SPON1: variants seen among roughly 807,000 people sequenced by gnomAD.
SPON1 encodes the protein spondin 1, also known as spondin-1.
A neutral mutation model predicts 111.7 loss-of-function variants in SPON1; 52 were observed. That is an observed-to-expected ratio of 0.47 (90% CI 0.37 to 0.59). SPON1 has a LOEUF of 0.59. Ranked by LOEUF, SPON1 falls within the 20% of genes least tolerant of loss-of-function variation. SPON1 has a pLI of 0.00. For synonymous variants in SPON1, 410 were observed against 395.8 expected (o/e 1.04, Z -0.43); for missense variants, 957 against 1,068.5 (o/e 0.90, Z 1.46).
chr11:13,999,072 G>A (rs986458169), intron 2 of SPON1, among the ~76,000 whole-genome samples: 6 of 152,046 alleles, frequency 3.9e-5, no homozygotes, highest in South Asian at 2.1e-4. Context: ...ACTTAAAGCC[G>A]TTGTGTTTGT....
chr11:14,088,794 A>C (rs1849027321), intron 5 of SPON1, among the ~76,000 whole-genome samples: 1 of 151,674 alleles, frequency 6.6e-6, no homozygotes, highest in Non-Finnish European at 1.5e-5. Flanking sequence ...TGGTCTTTTC[A>C]TATACTCCCA....
chr11:14,247,753 C>T (rs564061995), intron 7 of SPON1, among the ~76,000 whole-genome samples: 4 of 152,140 alleles, frequency 2.6e-5, no homozygotes, highest in Admixed American at 6.5e-5. Context: ...AGGCTGAAAA[C>T]GTTAGATGAA....
chr11:14,035,242 T>C (rs1393023843), intron 2 of SPON1, among the ~76,000 whole-genome samples: 1 of 152,058 alleles, frequency 6.6e-6, no homozygotes. Flanking sequence ...GACTGTAGCA[T>C]AGGGGAAAGA....
At chr11:14,206,614 C>T (rs1216219767) in intron 6 of SPON1, among the ~76,000 whole-genome samples, 3 of 152,100 alleles carry the variant, frequency 2.0e-5, no homozygotes, top group African/African-American at 7.2e-5. Flanking sequence ...AAGTGTTCCT[C>T]ATATTCCCAT....
At chr11:14,204,808 C>T (rs1371771074) in intron 6 of SPON1, among the ~76,000 whole-genome samples, 1 of 152,036 alleles carries the variant, frequency 6.6e-6, no homozygotes, top group African/African-American at 2.4e-5. Flanking sequence ...CCTCAGCCTC[C>T]TCAATAGCTG....
At chr11:14,129,016 A>G (rs1847496427) in intron 5 of SPON1, among the ~76,000 whole-genome samples, 1 of 152,272 alleles carries the variant, frequency 6.6e-6, no homozygotes, top group Non-Finnish European at 1.5e-5. Flanking sequence ...GGCCTGGCCC[A>G]GAAAACCATT....
chr11:14,017,520 A>G (rs1327896962), intron 2 of SPON1, among the ~76,000 whole-genome samples: 1 of 152,170 alleles, frequency 6.6e-6, no homozygotes, highest in Non-Finnish European at 1.5e-5. Context: ...TAGTGCTTAA[A>G]CTGTGTTCAT....
At chr11:14,000,115 C>T (rs1848305604) in intron 2 of SPON1, among the ~76,000 whole-genome samples, 1 of 152,158 alleles carries the variant, frequency 6.6e-6, no homozygotes, top group African/African-American at 2.4e-5. Context: ...CATCTTTTAT[C>T]CGCCATGGTT....
At chr11:14,111,995 C>T (rs549521668) in intron 5 of SPON1, among the ~76,000 whole-genome samples, 1 of 151,188 alleles carries the variant, frequency 6.6e-6, no homozygotes, top group East Asian at 1.9e-4. Context: ...AACCTCATAC[C>T]ACCTTTTGTG....
rs546251688 is a variant in SPON1 at position 14,233,259 on chromosome 11, G to A, written c.826-10073G>A. On this transcript the variant is annotated intron_variant, in intron 6 of 15. Transcript: ENST00000576479. ...ATCCATCAGCAGATAACGCTGAGCC[G>A]ACCTGTAAAATATATCTGCATCCCA... Among the ~76,000 whole-genome samples the A allele has an allele frequency of 1.1e-4, 17 of 152,170 alleles. No individual in the cohort carries two copies. The East Asian group carries it at 2.1e-3, about 19-fold the overall frequency.
chr11:14,165,444 G>A (rs1848018121), intron 6 of SPON1, among the ~76,000 whole-genome samples: 1 of 152,198 alleles, frequency 6.6e-6, no homozygotes, highest in Non-Finnish European at 1.5e-5. Flanking sequence ...AATTGTCTGA[G>A]TGTACTCATG....
chr11:14,180,233 ATC>A (rs1268842820), intron 6 of SPON1, among the ~76,000 whole-genome samples: 7 of 152,148 alleles, frequency 4.6e-5, no homozygotes, highest in Admixed American at 4.6e-4. Context: ...CTTAGTTAAA[ATC>A]TCTCAACAGT....
intron 6 of SPON1, among the ~76,000 whole-genome samples, chr11:14,146,213 C>T (rs761003294): frequency 2.0e-5 from 3 of 150,600 alleles, no homozygotes; most frequent in African/African-American, 7.3e-5. Flanking sequence ...GCAGTGGCAC[C>T]GTGTTGGCTC....
chr11:14,099,381 CT>C (rs547923449), intron 5 of SPON1, among the ~76,000 whole-genome samples: 95 of 152,176 alleles, frequency 6.2e-4, no homozygotes, highest in African/African-American at 2.1e-3. Context: ...TTGGGTTGTC[CT>C]TTTGTTCCTT....
At position 14,229,569 on chromosome 11, in the gene SPON1, T is replaced by C. The variant is rs535094205; in HGVS notation, c.826-13763T>C. Reference sequence around the variant, plus strand: ...ATTCACCTGGCCCTGACTGATACCGTCTCATTTAACCTCCATGCACTGTGA... The same window carrying C: ...ATTCACCTGGCCCTGACTGATACCGCCTCATTTAACCTCCATGCACTGTGA... On this transcript the variant is annotated intron_variant, in intron 6 of 15. Coordinates refer to ENST00000576479, the MANE Select transcript of SPON1 (RefSeq NM_006108.4). Among the ~76,000 whole-genome samples the C allele has an allele frequency of 2.0e-5, 3 of 152,244 alleles. No individual in the cohort carries two copies. The South Asian group carries it at 6.2e-4, about 32-fold the overall frequency.
intron 6 of SPON1, among the ~76,000 whole-genome samples, chr11:14,236,935 C>T (rs1554939265): frequency 1.3e-5 from 2 of 152,152 alleles, no homozygotes; most frequent in Non-Finnish European, 2.9e-5. Flanking sequence ...AGTTGCCTCA[C>T]CTGAGAAATG....
chr11:14,181,439 C>T (rs1020163525), intron 6 of SPON1, among the ~76,000 whole-genome samples: 3 of 152,162 alleles, frequency 2.0e-5, no homozygotes, highest in Non-Finnish European at 2.9e-5. Context: ...CCTTTCCAGC[C>T]AACCACCTAT....
intron 5 of SPON1, among the ~76,000 whole-genome samples, chr11:14,095,972 A>G (rs1849097823): frequency 6.6e-6 from 1 of 152,236 alleles, no homozygotes; most frequent in African/African-American, 2.4e-5. Context: ...TGCCACTGCC[A>G]GTGCTATGAT....
Position 14,164,145 on chromosome 11 carries a change from G to A in SPON1, c.825+28577G>A, listed in dbSNP as rs142522137. 2.5e-3 allele frequency among the ~76,000 whole-genome samples: 385 copies of A among 152,290 alleles called. 3 individuals are homozygous for A. Among genetic ancestry groups the A allele is most frequent in the African/African-American group, 8.2e-3 (339 of 41,570 alleles). Reference sequence around the variant, plus strand: ...GCCACAGCTTCAGCCACCGTTAACCGTTAAAGGTGAAAAGAAATTCGTTTA... The same window carrying A: ...GCCACAGCTTCAGCCACCGTTAACCATTAAAGGTGAAAAGAAATTCGTTTA... On this transcript the variant is annotated intron_variant, in intron 6 of 15. Transcript: ENST00000576479.
Sources: allele counts gnomAD v4.1 joint callset (sites outside exome capture counted in the v4.1 genomes callset), GRCh38; gene constraint gnomAD v4.1.1; transcripts MANE v1.5; gene names NCBI Gene and HGNC (gene_info 2026-07-23, HGNC 2026-07-21).